PTK2: variants seen among roughly 807,000 people sequenced by gnomAD.
PTK2 encodes protein tyrosine kinase 2.
A neutral mutation model predicts 150.1 loss-of-function variants in PTK2; 45 were observed. The observed-to-expected ratio is 0.30, with a 90% confidence interval of 0.24 to 0.38. The LOEUF is 0.38. PTK2 is among the 10% of genes least tolerant of loss of function. The pLI is 1.00. For synonymous variants in PTK2, 432 were observed against 449.2 expected (o/e 0.96, Z 0.48); for missense variants, 919 against 1,307.3 (o/e 0.70, Z 4.58).
intron 1 of PTK2, among the ~76,000 whole-genome samples, chr8:141,000,557 G>A (rs1165140886): frequency 6.6e-6 from 1 of 152,170 alleles, no homozygotes; most frequent in Non-Finnish European, 1.5e-5. Flanking sequence ...CGCTCCGGCG[G>A]AGGCCGGCCC....
chr8:140,955,189 T>A (rs1198547268), intron 1 of PTK2, among the ~76,000 whole-genome samples: 1 of 152,198 alleles, frequency 6.6e-6, no homozygotes. Context: ...GTGTCCCCAC[T>A]CAAATCTTGA....
intron 1 of PTK2, among the ~76,000 whole-genome samples, chr8:140,943,054 T>C (rs1431622650): frequency 2.0e-5 from 3 of 152,164 alleles, no homozygotes; most frequent in African/African-American, 7.2e-5. Flanking sequence ...TGGAAGCCGG[T>C]GCCATGTTTC....
intron 10 of PTK2, among the ~76,000 whole-genome samples, chr8:140,805,285 G>C (rs2100097553): frequency 6.6e-6 from 1 of 152,164 alleles, no homozygotes; most frequent in Admixed American, 6.5e-5. Flanking sequence ...ATTTGGCCGG[G>C]TGTGGTGGCT....
At chr8:140,713,322 G>A (rs1394996958) in intron 23 of PTK2, among the ~76,000 whole-genome samples, 1 of 152,098 alleles carries the variant, frequency 6.6e-6, no homozygotes, top group Non-Finnish European at 1.5e-5. Context: ...GTGCAGTGGC[G>A]CGATCTCAGC....
intron 17 of PTK2, among the ~76,000 whole-genome samples, chr8:140,749,171 A>G (rs1008714140): frequency 6.6e-6 from 1 of 152,208 alleles, no homozygotes; most frequent in Non-Finnish European, 1.5e-5. Flanking sequence ...AACATCACCA[A>G]CAAAAACCCA....
chr8:140,876,510 AG>A (rs2100145614), intron 4 of PTK2, among the ~76,000 whole-genome samples: 1 of 138,044 alleles, frequency 7.2e-6, no homozygotes, highest in Non-Finnish European at 1.6e-5. Context: ...CCAATGCATC[AG>A]TTTAGTTTTA....
intron 10 of PTK2, 55 bp from the exon 11 acceptor site, chr8:140,803,705 G>A (rs2100096648): frequency 2.1e-6 from 3 of 1,456,772 alleles, no homozygotes; most frequent in Non-Finnish European, 2.9e-6. Flanking sequence ...TCATTTCACA[G>A]AGTCTGTAAA....
chr8:140,846,333 G>C lies in PTK2; in HGVS notation c.531-11C>G. On this transcript the variant is annotated splice_polypyrimidine_tract_variant and intron_variant, in intron 6 of 31. Coordinates refer to ENST00000522684, the Ensembl canonical transcript of PTK2. ...TCCCAGTATGATCGCCTAAAATCAGGGAAGACATACATTTATATGTATATA... is the reference window on the plus strand; with the variant it reads ...TCCCAGTATGATCGCCTAAAATCAGCGAAGACATACATTTATATGTATATA... The C allele has an allele frequency of 6.2e-7, 1 of 1,610,184 alleles. No individual in the cohort carries two copies. The highest frequency in any genetic ancestry group is 8.5e-7 in the Non-Finnish European group (1 of 1,177,102).
intron 1 of PTK2, chr8:141,000,850 G>C (rs1184262573): frequency 8.3e-6 from 1 of 121,048 alleles, no homozygotes; most frequent in East Asian, 2.6e-4. Context: ...CCAGCGCCCC[G>C]AACCCCCGCC....
intron 1 of PTK2, among the ~76,000 whole-genome samples, chr8:140,931,962 T>G (rs1374312404): frequency 6.7e-6 from 1 of 148,252 alleles, no homozygotes; most frequent in Non-Finnish European, 1.5e-5. Context: ...AAAGCTGCAT[T>G]AAATTATTGT....
intron 10 of PTK2, among the ~76,000 whole-genome samples, chr8:140,813,420 A>T (rs2100102776): frequency 6.6e-6 from 1 of 151,306 alleles, no homozygotes; most frequent in South Asian, 2.1e-4. Flanking sequence ...AGCAAATGCA[A>T]AAGAACTGAA....
rs78725104 is a variant in PTK2, at chr8:140,907,418, A to G, written c.-32-16649T>C. Among the ~76,000 whole-genome samples the G allele has an allele frequency of 7.2e-5, 11 of 152,322 alleles. No individual in the cohort carries two copies. The South Asian group carries it at 2.3e-3, about 32-fold the overall frequency. On this transcript the variant is annotated intron_variant, in intron 2 of 31. Coordinates refer to ENST00000522684, the Ensembl canonical transcript of PTK2. ...TGAACATCATATCGGCGCTCAAAAAAGCTGAGTATTTGGGAGCATATCGAA... is the reference window on the plus strand; with the variant it reads ...TGAACATCATATCGGCGCTCAAAAAGGCTGAGTATTTGGGAGCATATCGAA...
At chr8:140,666,753 C>T (rs59968863) in intron 30 of PTK2, among the ~76,000 whole-genome samples, 5,707 of 152,206 alleles carry the variant, frequency 0.037, 342 homozygotes, top group African/African-American at 0.13. Flanking sequence ...TATCAGTGAT[C>T]CAGCAATTCT....
chr8:140,797,302 G>C (rs1371627679), intron 12 of PTK2, among the ~76,000 whole-genome samples: 1 of 152,106 alleles, frequency 6.6e-6, no homozygotes, highest in African/African-American at 2.4e-5. Flanking sequence ...GAATGAGCTG[G>C]AAGAACACTT....
intron 1 of PTK2, chr8:141,000,789 G>A (rs1311337435): frequency 2.5e-5 from 2 of 79,996 alleles, no homozygotes; most frequent in Non-Finnish European, 4.8e-5. Context: ...TCGAGCTCCC[G>A]GCCTCCCCAC....
intron 27 of PTK2, among the ~76,000 whole-genome samples, chr8:140,685,688 G>C (rs1172940685): frequency 2.0e-4 from 31 of 152,174 alleles, no homozygotes; most frequent in Admixed American, 2.0e-3. Flanking sequence ...ACCACAATGA[G>C]ATGCCATCTC....
At chr8:140,699,289 G>T (rs1367698106) in intron 26 of PTK2, among the ~76,000 whole-genome samples, 1 of 152,158 alleles carries the variant, frequency 6.6e-6, no homozygotes, top group African/African-American at 2.4e-5. Context: ...TAATACGATT[G>T]AGGCAACTAC....
chr8:140,864,622 A>G (rs2100138211), intron 4 of PTK2, among the ~76,000 whole-genome samples: 1 of 152,240 alleles, frequency 6.6e-6, no homozygotes, highest in Admixed American at 6.5e-5. Context: ...AAGGAAACAG[A>G]GCATAGTAAG....
intron 16 of PTK2, among the ~76,000 whole-genome samples, chr8:140,759,848 C>T (rs1355445520): frequency 7.0e-6 from 1 of 143,408 alleles, no homozygotes; most frequent in Admixed American, 6.9e-5. Flanking sequence ...CTCTCTCACC[C>T]ACACACACAC....
Sources: gnomAD v4.1 joint callset for allele counts (sites outside exome capture counted in the v4.1 genomes callset) on GRCh38, gnomAD v4.1.1 for gene constraint, MANE v1.5 for transcripts, NCBI Gene and HGNC (gene_info 2026-07-23, HGNC 2026-07-21) for gene names.